Variants in ITGA9 observed in about 807,000 individuals in gnomAD.
ITGA9 encodes the protein integrin subunit alpha 9.
Under a neutral mutation model 127.8 loss-of-function variants are expected in ITGA9, and 56 were observed. The observed-to-expected ratio is 0.44, with a 90% CI of 0.35 to 0.55. The LOEUF is 0.55. ITGA9 is among the 20% of genes least tolerant of loss of function. The pLI is 0.00. For missense variants in ITGA9, 1,196 were observed against 1,347.1 expected, an observed-to-expected ratio of 0.89 and a Z score of 1.76; for synonymous variants, 508 against 514.5, an observed-to-expected ratio of 0.99 and a Z score of 0.17.
Position 37,611,063 on chromosome 3 carries a change from TAATAA to T in ITGA9, c.1690-18120_1690-18116del, listed in dbSNP as rs139502337. Among the ~76,000 whole-genome samples, 315 of 152,350 alleles carry T rather than the reference TAATAA, an allele frequency of 2.1e-3. 1 individual carries two copies. The highest frequency in any genetic ancestry group is 7.1e-3 in the African/African-American group (296 of 41,582). The stretch of plus-strand genomic sequence containing the variant: ...AAAAGTAAAGCATCAGGTAAATATT[TAATAA>T]AATGTTTATACATGTATATTGACTG... On this transcript the variant is annotated intron_variant, in intron 15 of 27. Coordinates refer to ENST00000264741, the MANE Select transcript of ITGA9 (RefSeq NM_002207.3).
intron 16 of ITGA9, among the ~76,000 whole-genome samples, chr3:37,652,568 G>A (rs1207716480): frequency 1.3e-5 from 2 of 152,186 alleles, no homozygotes; most frequent in African/African-American, 2.4e-5. Context: ...TACTCTGTCT[G>A]GTCGAGTCTA....
In ITGA9 at chr3:37,532,526, G is replaced by C. The variant is rs534647537; in HGVS notation, c.1374-788G>C. Among the ~76,000 whole-genome samples the C allele has an allele frequency of 2.6e-5, 4 of 152,360 alleles. No homozygotes were observed. In the East Asian group the frequency reaches 7.7e-4, roughly 29 times the overall value. On this transcript the variant is annotated intron_variant, in intron 13 of 27. Transcript: ENST00000264741. The stretch of plus-strand genomic sequence containing the variant: ...CTTTGTGAGGCCTGGAGGGGAGAAG[G>C]TTGAGCGGTAGCTTAGGTGAATGCT...
At chr3:37,623,439 T>C (rs1700145585) in intron 15 of ITGA9, among the ~76,000 whole-genome samples, 1 of 152,208 alleles carries the variant, frequency 6.6e-6, no homozygotes, top group Non-Finnish European at 1.5e-5. Context: ...TTCAGTTTCA[T>C]AGCCTCTCAT....
At chr3:37,650,105 G>A (rs1232510672) in intron 16 of ITGA9, among the ~76,000 whole-genome samples, 1 of 152,148 alleles carries the variant, frequency 6.6e-6, no homozygotes, top group African/African-American at 2.4e-5. Flanking sequence ...TCTCCTGTGA[G>A]CCTCTGCATG....
Position 37,803,876 on chromosome 3 carries a change from G to A in ITGA9, c.2943G>A (p.Trp981Ter). ...AGCCCCGTGGCTACGTCGTGGGGTG[G>A]ATCATCGCCATCAGTTTGTTGGTGG... is the stretch of plus-strand genomic sequence containing the variant. ...NLEPRGYVVG[W>*]IIAISLLVGI... Residue 981 changes from tryptophan to a stop codon, truncating the protein, a stop_gained, in exon 27 of 28, where the codon TGG (tryptophan) becomes TGA (stop). Coordinates refer to ENST00000264741, the MANE Select transcript of ITGA9 (RefSeq NM_002207.3). LOFTEE classifies it high-confidence loss of function. 1 of 1,614,202 alleles carries A rather than the reference G, an allele frequency of 6.2e-7. No homozygotes were observed. The highest frequency in any genetic ancestry group is 8.5e-7 in the Non-Finnish European group (1 of 1,180,026).
chr3:37,510,904 T>C (rs971024989), intron 8 of ITGA9, among the ~76,000 whole-genome samples: 11 of 152,242 alleles, frequency 7.2e-5, no homozygotes, highest in Non-Finnish European at 1.3e-4. Flanking sequence ...ATCGTTCTGC[T>C]TTTGAAATAG....
At chr3:37,563,865 T>C (rs1699520067) in intron 15 of ITGA9, among the ~76,000 whole-genome samples, 1 of 152,228 alleles carries the variant, frequency 6.6e-6, no homozygotes, top group African/African-American at 2.4e-5. Flanking sequence ...GTGCTCCAGC[T>C]GATCATTTTT....
chr3:37,490,975 C>CCCTTTTTTTTTTTTTTTTTTTTTTT lies in ITGA9; in HGVS notation c.545-3526_545-3525insCCTTTTTTTTTTTTTTTTTTTTTTT, dbSNP rs548395527. On this transcript the variant is annotated intron_variant, in intron 4 of 27. Coordinates refer to ENST00000264741, the MANE Select transcript of ITGA9 (RefSeq NM_002207.3). ...GGTCTCAGATTTGGCTTCCCCCCCGCTTTTTTTTTTTTTTTTTTTGAGACC... is the reference window on the plus strand; with the variant it reads ...GGTCTCAGATTTGGCTTCCCCCCCGCCCTTTTTTTTTTTTTTTTTTTTTTTTTTTTTTTTTTTTTTTTTTGAGACC... 2.9e-5 allele frequency among the ~76,000 whole-genome samples: 3 copies of CCCTTTTTTTTTTTTTTTTTTTTTTT among 105,104 alleles called. 1 individual carries two copies. The highest frequency in any genetic ancestry group is 2.0e-5 in the Non-Finnish European group (1 of 51,014). The allele number at this position is 105,104 out of a possible 152,430, so 69.0% of individuals were successfully genotyped here.
At chr3:37,531,698 A>G (rs910410279) in intron 13 of ITGA9, among the ~76,000 whole-genome samples, 1 of 152,110 alleles carries the variant, frequency 6.6e-6, no homozygotes, top group Non-Finnish European at 1.5e-5. Flanking sequence ...GGCTTTGGAC[A>G]CTCGTGGTTT....
intron 23 of ITGA9, among the ~76,000 whole-genome samples, chr3:37,770,069 G>A (rs1696824887): frequency 6.6e-6 from 1 of 152,188 alleles, no homozygotes; most frequent in Non-Finnish European, 1.5e-5. Context: ...TTTAAGGAGA[G>A]CAGAAGTTAA....
rs117644035 is a variant in ITGA9, at chr3:37,789,486, G to A, written c.2889+4408G>A. Reference sequence around the variant, plus strand: ...ATTAAGAGTATGCGCTCAGCCAGGCGCGGTGGCTCACACCTGTAATCCTAG... The same window carrying A: ...ATTAAGAGTATGCGCTCAGCCAGGCACGGTGGCTCACACCTGTAATCCTAG... On this transcript the variant is annotated intron_variant, in intron 26 of 27. Coordinates refer to ENST00000264741, the MANE Select transcript of ITGA9 (RefSeq NM_002207.3). Among the ~76,000 whole-genome samples the A allele has an allele frequency of 2.0e-4, 30 of 152,124 alleles. 1 individual carries two copies. The East Asian group carries it at 4.6e-3, about 23-fold the overall frequency.
intron 12 of ITGA9, among the ~76,000 whole-genome samples, 191 bp downstream of exon 12, chr3:37,523,802 A>G (rs974949282): frequency 1.3e-5 from 2 of 152,162 alleles, no homozygotes; most frequent in East Asian, 1.9e-4. Context: ...GGGGTTTTAA[A>G]CTGATCTACT....
At chr3:37,482,497 C>T (rs1698567647) in intron 4 of ITGA9, among the ~76,000 whole-genome samples, 1 of 152,224 alleles carries the variant, frequency 6.6e-6, no homozygotes, top group Non-Finnish European at 1.5e-5. Context: ...TAAGCTGGAA[C>T]CTGCTCCTTC....
At chr3:37,758,984 G>C (rs1696690589) in intron 23 of ITGA9, among the ~76,000 whole-genome samples, 1 of 151,798 alleles carries the variant, frequency 6.6e-6, no homozygotes, top group Non-Finnish European at 1.5e-5. Flanking sequence ...GTCACTGGCT[G>C]ATCACTAAGC....
chr3:37,682,034 A>G (rs1422270471), intron 17 of ITGA9, among the ~76,000 whole-genome samples: 1 of 152,186 alleles, frequency 6.6e-6, no homozygotes, highest in Non-Finnish European at 1.5e-5. Flanking sequence ...TCGTGTTTTC[A>G]TTAATTGTTG....
chr3:37,682,910 G>A (rs745898299), intron 17 of ITGA9, among the ~76,000 whole-genome samples: 8 of 152,090 alleles, frequency 5.3e-5, no homozygotes, highest in Non-Finnish European at 1.0e-4. Context: ...CACCTGGATT[G>A]TCACAAGAGC....
Position 37,822,897 on chromosome 3 carries a change from A to G in ITGA9, c.*3908A>G, listed in dbSNP as rs1320158376. The G allele has an allele frequency of 6.6e-6, 1 of 152,248 alleles. No individual in the cohort carries two copies. Among genetic ancestry groups the G allele is most frequent in the African/African-American group, 2.4e-5 (1 of 41,456 alleles). 9.4% of individuals were successfully genotyped at this position (152,248 alleles called of 1,614,324 possible). A position where few individuals can be genotyped will look rare whatever the true frequency, so the allele number is the denominator to read the frequency against. On this transcript the variant is annotated 3_prime_UTR_variant, in exon 28 of 28. Transcript: ENST00000264741. ...ACTTGGCTCAAACTTCTCAAAATTT[A>G]GAGGTGCTGGAAAGGATTGTCACTT...
chr3:37,767,104 A>T (rs1696788381), intron 23 of ITGA9, among the ~76,000 whole-genome samples: 1 of 152,200 alleles, frequency 6.6e-6, no homozygotes, highest in Non-Finnish European at 1.5e-5. Context: ...AGGAAGAGGG[A>T]GGAGGGGAGG....
chr3:37,644,746 G>C (rs1700361873), intron 16 of ITGA9, among the ~76,000 whole-genome samples: 1 of 152,184 alleles, frequency 6.6e-6, no homozygotes, highest in South Asian at 2.1e-4. Flanking sequence ...GGGAAACCAA[G>C]AGGGTTTTTT....
Sources: gnomAD v4.1 joint callset for allele counts (sites outside exome capture counted in the v4.1 genomes callset) on GRCh38, gnomAD v4.1.1 for gene constraint, MANE v1.5 for transcripts, NCBI Gene and HGNC (gene_info 2026-07-23, HGNC 2026-07-21) for gene names.